The following GABRG3 variants were observed in gnomAD, a reference collection of about 807,000 sequenced individuals.
The protein encoded by GABRG3 is gamma-aminobutyric acid type A receptor subunit gamma3, also known as gamma-aminobutyric acid receptor subunit gamma-3.
A neutral mutation model predicts 48.8 loss-of-function variants in GABRG3; 25 were observed. The observed-to-expected ratio is 0.51, with a 90% CI of 0.37 to 0.72. GABRG3 has a LOEUF of 0.72. GABRG3 is among the 30% of genes least tolerant of loss of function. The pLI, the probability that GABRG3 is intolerant of heterozygous loss-of-function variation, is 0.00. For synonymous variants in GABRG3, 227 were observed against 217.6 expected (o/e 1.04, Z -0.38); for missense variants, 394 against 577.9 (o/e 0.68, Z 3.26).
chr15:27,496,561 A>C (rs1890492371), intron 6 of GABRG3, among the ~76,000 whole-genome samples: 1 of 152,198 alleles, frequency 6.6e-6, no homozygotes, highest in Non-Finnish European at 1.5e-5. Context: ...CTCGGGTCCC[A>C]AAGTCCCTAG....
At chr15:27,163,416 T>C (rs1887263952) in intron 3 of GABRG3, among the ~76,000 whole-genome samples, 1 of 152,032 alleles carries the variant, frequency 6.6e-6, no homozygotes, top group Admixed American at 6.5e-5. Flanking sequence ...TCTGTTGCCC[T>C]GGCTCCAGAG....
chr15:27,187,746 T>G (rs2140420423), intron 3 of GABRG3, among the ~76,000 whole-genome samples: 1 of 152,130 alleles, frequency 6.6e-6, no homozygotes, highest in Middle Eastern at 3.4e-3. Flanking sequence ...ATTATTATAC[T>G]TTTAAGTTTT....
intron 5 of GABRG3, among the ~76,000 whole-genome samples, chr15:27,395,628 GAT>G (rs912960143): frequency 3.5e-4 from 53 of 152,260 alleles, no homozygotes; most frequent in African/African-American, 1.2e-3. Flanking sequence ...CAAGAGAAGA[GAT>G]AGTCTTTTCA....
chr15:27,034,824 A>G (rs956350355), intron 3 of GABRG3, among the ~76,000 whole-genome samples: 7 of 152,176 alleles, frequency 4.6e-5, no homozygotes, highest in Admixed American at 1.3e-4. Flanking sequence ...CATGCCTGCT[A>G]GTCTGTTTTT....
chr15:27,341,641 G>A (rs1894182614), intron 5 of GABRG3, among the ~76,000 whole-genome samples: 1 of 152,108 alleles, frequency 6.6e-6, no homozygotes, highest in African/African-American at 2.4e-5. Flanking sequence ...ATCACGCAGG[G>A]GGCAAGGCTT....
intron 3 of GABRG3, among the ~76,000 whole-genome samples, chr15:27,203,728 C>T (rs1888763271): frequency 6.6e-6 from 1 of 152,106 alleles, no homozygotes; most frequent in South Asian, 2.1e-4. Context: ...TAATAACAGC[C>T]AATCTGACGG....
At chr15:27,349,983 A>G (rs1016104912) in intron 5 of GABRG3, 10 of 323,050 alleles carry the variant, frequency 3.1e-5, no homozygotes, top group Non-Finnish European at 5.5e-5. Context: ...TAACTTTCCC[A>G]TCGGTACTCA....
At chr15:27,356,194 A>G (rs1894832948) in intron 5 of GABRG3, among the ~76,000 whole-genome samples, 1 of 152,126 alleles carries the variant, frequency 6.6e-6, no homozygotes, top group African/African-American at 2.4e-5. Context: ...ATTACACTTC[A>G]CCTTTGATTT....
intron 6 of GABRG3, among the ~76,000 whole-genome samples, chr15:27,518,363 C>T (rs139998220): frequency 0.062 from 7,257 of 117,024 alleles, 647 homozygotes; most frequent in African/African-American, 0.25. Context: ...GAGTGAAACT[C>T]TGTCTCAAAA....
intron 5 of GABRG3, among the ~76,000 whole-genome samples, chr15:27,368,287 A>T (rs1895277622): frequency 6.6e-6 from 1 of 152,186 alleles, no homozygotes; most frequent in African/African-American, 2.4e-5. Context: ...ACCAGGAAAC[A>T]TGATGGAGGT....
chr15:27,009,165 T>G (rs970781913), intron 2 of GABRG3, among the ~76,000 whole-genome samples: 2 of 152,154 alleles, frequency 1.3e-5, no homozygotes, highest in Non-Finnish European at 2.9e-5. Flanking sequence ...CACACTGGAC[T>G]GCTGCGGGCT....
At chr15:27,253,565 A>G (rs558902372) in intron 3 of GABRG3, among the ~76,000 whole-genome samples, 1 of 152,326 alleles carries the variant, frequency 6.6e-6, no homozygotes, top group South Asian at 2.1e-4. Flanking sequence ...AAGTTATGAA[A>G]TGCATTTTAA....
chr15:27,430,989 C>CAATA (rs61461156), intron 5 of GABRG3, among the ~76,000 whole-genome samples: 17,190 of 141,090 alleles, frequency 0.12, 1,121 homozygotes, highest in Middle Eastern at 0.17. Flanking sequence ...GTCCCTGTCT[C>CAATA]AATAAATAAA....
At chr15:27,372,162 G>GAT (rs556944988) in intron 5 of GABRG3, among the ~76,000 whole-genome samples, 1,862 of 151,764 alleles carry the variant, frequency 0.012, 33 homozygotes, top group African/African-American at 0.04. Context: ...TTTCATATGA[G>GAT]ATATATATAT....
chr15:27,426,205 T>C lies in GABRG3; in HGVS notation c.575-54445T>C, dbSNP rs182991543. On this transcript the variant is annotated intron_variant, in intron 5 of 9. Transcript: ENST00000615808. Reference sequence around the variant, plus strand: ...CCCACAGAAAGAGAAGAGCTGATGATGAAAATGGGCGGTGGGAAAAAAGAG... The same window carrying C: ...CCCACAGAAAGAGAAGAGCTGATGACGAAAATGGGCGGTGGGAAAAAAGAG... Among the ~76,000 whole-genome samples, 494 of 152,242 alleles carry C rather than the reference T, an allele frequency of 3.2e-3. 8 individuals carry two copies. The Middle Eastern group carries it at 0.034, about 10-fold the overall frequency.
chr15:27,010,513 G>T (rs890995336), intron 2 of GABRG3, among the ~76,000 whole-genome samples: 2 of 152,294 alleles, frequency 1.3e-5, no homozygotes, highest in East Asian at 1.9e-4. Flanking sequence ...GGTAACATCA[G>T]TTTGGCTCTT....
chr15:27,204,949 G>A (rs547894759), intron 3 of GABRG3, among the ~76,000 whole-genome samples: 2 of 152,172 alleles, frequency 1.3e-5, no homozygotes, highest in East Asian at 1.9e-4. Flanking sequence ...GGGCAGAAAC[G>A]ATGGCATTTT....
At chr15:27,213,569 A>G (rs1889140896) in intron 3 of GABRG3, among the ~76,000 whole-genome samples, 1 of 152,226 alleles carries the variant, frequency 6.6e-6, no homozygotes, top group African/African-American at 2.4e-5. Flanking sequence ...GGCCTGTTTC[A>G]AAGTTCAGTT....
At position 27,368,230 on chromosome 15, in the gene GABRG3, T is replaced by G. The variant is rs151158132; in HGVS notation, c.574+39342T>G. On this transcript the variant is annotated intron_variant, in intron 5 of 9. Coordinates refer to ENST00000615808, the MANE Select transcript of GABRG3 (RefSeq NM_033223.5). ...AGGTAATGGAGACCGGGATGCATAG[T>G]ATGGGCACCTCTCATCTAGAGTTTG... Among the ~76,000 whole-genome samples the G allele has an allele frequency of 8.5e-3, 1,299 of 152,220 alleles. 15 individuals are homozygous for G. Among genetic ancestry groups the G allele is most frequent in the Non-Finnish European group, 0.013 (894 of 68,002 alleles).
Sources: gnomAD v4.1 joint callset for allele counts (sites outside exome capture counted in the v4.1 genomes callset) on GRCh38, gnomAD v4.1.1 for gene constraint, MANE v1.5 for transcripts, NCBI Gene and HGNC (gene_info 2026-07-23, HGNC 2026-07-21) for gene names.